FAM184A: variants seen among roughly 807,000 people sequenced by gnomAD.
FAM184A encodes the protein family with sequence similarity 184 member A.
In FAM184A, 99 loss-of-function variants were observed where a neutral mutation model predicts 143.8. That is an observed-to-expected ratio of 0.69 (90% CI 0.58 to 0.81). The LOEUF (loss-of-function observed/expected upper bound fraction) is 0.81, where lower values mean the gene tolerates loss of function less well. Among genes scored for constraint, FAM184A ranks in the 40% least tolerant of loss-of-function variants. The pLI, the probability that FAM184A is intolerant of heterozygous loss-of-function variation, is 0.00. For missense variants in FAM184A, 1,217 were observed against 1,310.5 expected (o/e 0.93, Z 1.10); for synonymous variants, 427 against 446.4 (o/e 0.96, Z 0.55).
chr6:118,998,581 A>G (rs1784644943), intron 9 of FAM184A, among the ~76,000 whole-genome samples: 1 of 152,240 alleles, frequency 6.6e-6, no homozygotes, highest in South Asian at 2.1e-4. Flanking sequence ...GAAAGTAAGT[A>G]AAGAAAGCTC....
intron 1 of FAM184A, among the ~76,000 whole-genome samples, chr6:119,109,201 T>C (rs1788867529): frequency 6.6e-6 from 1 of 152,186 alleles, no homozygotes; most frequent in Non-Finnish European, 1.5e-5. Context: ...TGCCACACTA[T>C]TTGCTCTTAT....
chr6:119,084,048 G>C (rs964623920), intron 1 of FAM184A, among the ~76,000 whole-genome samples: 7 of 152,046 alleles, frequency 4.6e-5, no homozygotes, highest in Non-Finnish European at 1.0e-4. Context: ...AGGCAAAGGG[G>C]AAGCAAGGCA....
intron 1 of FAM184A, among the ~76,000 whole-genome samples, chr6:119,111,947 T>C (rs1237527350): frequency 7.2e-5 from 11 of 152,286 alleles, no homozygotes; most frequent in Middle Eastern, 3.4e-3. Context: ...TTCATGGTCT[T>C]CTGGTAGTTT....
intron 9 of FAM184A, among the ~76,000 whole-genome samples, chr6:118,985,979 T>C (rs1012444160): frequency 4.6e-5 from 7 of 152,206 alleles, no homozygotes; most frequent in Non-Finnish European, 1.0e-4. Flanking sequence ...TAATGTGCTA[T>C]TACTGAGGAG....
intron 5 of FAM184A, among the ~76,000 whole-genome samples, chr6:119,014,787 G>A (rs1023541127): frequency 6.6e-6 from 1 of 152,162 alleles, no homozygotes; most frequent in African/African-American, 2.4e-5. Flanking sequence ...AGCTGAGTGC[G>A]GTAGCTCACA....
At chr6:119,047,099 A>G (rs1196048873) in intron 1 of FAM184A, among the ~76,000 whole-genome samples, 1 of 152,100 alleles carries the variant, frequency 6.6e-6, no homozygotes, top group Non-Finnish European at 1.5e-5. Context: ...AACAGAAGAC[A>G]TACAAATGGC....
intron 8 of FAM184A, 27 bp from the exon 9 acceptor site, chr6:119,003,076 T>C (rs1488520082): frequency 1.3e-6 from 2 of 1,572,606 alleles, no homozygotes; most frequent in African/African-American, 1.4e-5. Flanking sequence ...GCATTTACTT[T>C]GTAAAGAGAA....
chr6:119,026,497 C>A (rs1007425770), intron 1 of FAM184A, among the ~76,000 whole-genome samples: 26 of 151,382 alleles, frequency 1.7e-4, no homozygotes, highest in Admixed American at 1.3e-4. Context: ...AGCCCCCAAC[C>A]GATTGAACGG....
At chr6:119,097,233 T>C (rs1788531704) in intron 1 of FAM184A, among the ~76,000 whole-genome samples, 1 of 152,132 alleles carries the variant, frequency 6.6e-6, no homozygotes, top group African/African-American at 2.4e-5. Context: ...CAAAACATGT[T>C]TTTTCACTTA....
At chr6:119,011,145 T>C (rs1206283611) in intron 6 of FAM184A, 164 bp downstream of exon 6, 15 of 568,162 alleles carry the variant, frequency 2.6e-5, no homozygotes, top group Non-Finnish European at 4.1e-5. Flanking sequence ...TGGTGGAACA[T>C]AATCAGAGTG....
chr6:119,066,969 G>T (rs536552803), intron 1 of FAM184A, among the ~76,000 whole-genome samples: 1 of 152,256 alleles, frequency 6.6e-6, no homozygotes, highest in Non-Finnish European at 1.5e-5. Flanking sequence ...TAGAAAAGAA[G>T]TAACTGCAAA....
intron 1 of FAM184A, among the ~76,000 whole-genome samples, chr6:119,061,019 GT>G (rs1183333496): frequency 6.6e-6 from 1 of 152,190 alleles, no homozygotes; most frequent in African/African-American, 2.4e-5. Context: ...AAGTTCTGGA[GT>G]TTAAGATTCA....
At chr6:119,113,527 C>A (rs917180917) in intron 1 of FAM184A, among the ~76,000 whole-genome samples, 2 of 152,030 alleles carry the variant, frequency 1.3e-5, no homozygotes, top group Non-Finnish European at 2.9e-5. Flanking sequence ...AGTTCTCAGT[C>A]CCCCCTTATC....
At chr6:119,057,062 G>A (rs1787005024) in intron 1 of FAM184A, among the ~76,000 whole-genome samples, 1 of 152,170 alleles carries the variant, frequency 6.6e-6, no homozygotes, top group Non-Finnish European at 1.5e-5. Context: ...TAATTCACAT[G>A]CTTAGCATTT....
chr6:118,970,008 A>ATATATTT lies in FAM184A; in HGVS notation c.2916-3057_2916-3056insAAATATA. 3.7e-4 allele frequency among the ~76,000 whole-genome samples: 7 copies of ATATATTT among 19,050 alleles called. 2 individuals are homozygous for ATATATTT. Among genetic ancestry groups the ATATATTT allele is most frequent in the Non-Finnish European group, 3.4e-4 (3 of 8,880 alleles). 12.5% of individuals were successfully genotyped at this position (19,050 alleles called of 152,430 possible). On this transcript the variant is annotated intron_variant, in intron 14 of 17. Transcript: ENST00000338891. ...ATATATATATAATATATATATATATATTTTTTTTTTTTTGAGATGGAGTTT... is the reference window on the plus strand; with the variant it reads ...ATATATATATAATATATATATATATATATATTTTTTTTTTTTTTTTGAGATGGAGTTT...
intron 3 of FAM184A, among the ~76,000 whole-genome samples, chr6:119,022,473 TTG>T (rs529196480): frequency 6.6e-6 from 1 of 152,192 alleles, no homozygotes; most frequent in Non-Finnish European, 1.5e-5. Flanking sequence ...TAAAAAATAT[TTG>T]TGTATCTTAT....
intron 1 of FAM184A, among the ~76,000 whole-genome samples, chr6:119,125,875 C>T (rs1582638002): frequency 6.6e-6 from 1 of 152,138 alleles, no homozygotes; most frequent in Non-Finnish European, 1.5e-5. Flanking sequence ...TGTAAAATTT[C>T]CCTGAATATG....
chr6:118,995,195 T>G (rs1293357336), intron 9 of FAM184A, among the ~76,000 whole-genome samples: 1 of 151,992 alleles, frequency 6.6e-6, no homozygotes, highest in Non-Finnish European at 1.5e-5. Flanking sequence ...AGGCAGTGGA[T>G]CGCTTGAGCC....
chr6:119,111,881 A>T (rs75077675), intron 1 of FAM184A, among the ~76,000 whole-genome samples: 1,550 of 152,344 alleles, frequency 0.01, 27 homozygotes, highest in African/African-American at 0.035. Context: ...AACAGTTTTC[A>T]TTAAAGAAAC....
Sources: allele counts gnomAD v4.1 joint callset (sites outside exome capture counted in the v4.1 genomes callset), GRCh38; gene constraint gnomAD v4.1.1; transcripts MANE v1.5; gene names NCBI Gene and HGNC (gene_info 2026-07-23, HGNC 2026-07-21).